The following MIPOL1 variants were observed in gnomAD, a reference collection of about 807,000 sequenced individuals.
The protein encoded by MIPOL1 is mirror-image polydactyly 1, also known as mirror-image polydactyly gene 1 protein.
MIPOL1 carries 57 observed loss-of-function variants against 60.9 expected under a neutral mutation model. That is an observed-to-expected ratio of 0.94 (90% CI 0.76 to 1.17). The LOEUF (loss-of-function observed/expected upper bound fraction) is 1.17, where lower values mean the gene tolerates loss of function less well. MIPOL1 is among the 50% of genes most tolerant of loss of function. MIPOL1 has a pLI of 0.00. For synonymous variants in MIPOL1, 179 were observed against 168.8 expected, an observed-to-expected ratio of 1.06 and a Z score of -0.47; for missense variants, 551 against 511.6, an observed-to-expected ratio of 1.08 and a Z score of -0.74.
At chr14:37,329,177 A>G (rs944095055) in intron 9 of MIPOL1, among the ~76,000 whole-genome samples, 3 of 152,132 alleles carry the variant, frequency 2.0e-5, no homozygotes, top group African/African-American at 7.2e-5. Flanking sequence ...TCACCACTCA[A>G]TAGTTTGAAT....
At chr14:37,409,493 A>G (rs1036988343) in intron 10 of MIPOL1, among the ~76,000 whole-genome samples, 1 of 152,156 alleles carries the variant, frequency 6.6e-6, no homozygotes, top group African/African-American at 2.4e-5. Context: ...ACACAGCCAA[A>G]AAAATAATTT....
rs180953659 is a variant in MIPOL1, at chr14:37,392,759, T to C, written c.936+23135T>C. On this transcript the variant is annotated intron_variant, in intron 10 of 12. Transcript: ENST00000684589. ...ATGTTGAACTCTGTAGAAGGCTTTT[T>C]CAGCATCAGTTGGGCACAAAGGTAA... is the stretch of plus-strand genomic sequence containing the variant. Among the ~76,000 whole-genome samples the C allele has an allele frequency of 2.9e-3, 442 of 152,284 alleles. 1 individual carries two copies. Among genetic ancestry groups the C allele is most frequent in the Non-Finnish European group, 5.1e-3 (349 of 68,022 alleles).
intron 10 of MIPOL1, among the ~76,000 whole-genome samples, chr14:37,387,630 A>G (rs2093110409): frequency 6.6e-6 from 1 of 151,938 alleles, no homozygotes; most frequent in South Asian, 2.1e-4. Flanking sequence ...TAATTTACAT[A>G]TATTCACTTT....
intron 9 of MIPOL1, among the ~76,000 whole-genome samples, chr14:37,360,033 C>T (rs1042650946): frequency 6.6e-6 from 1 of 152,040 alleles, no homozygotes; most frequent in African/African-American, 2.4e-5. Flanking sequence ...GCATGAAGGG[C>T]TGTTGAATTT....
intron 11 of MIPOL1, among the ~76,000 whole-genome samples, chr14:37,443,544 A>G (rs2094284788): frequency 6.6e-6 from 1 of 151,372 alleles, no homozygotes; most frequent in South Asian, 2.1e-4. Flanking sequence ...GAGAAACTTC[A>G]GGCCCAAGTG....
chr14:37,440,978 A>G (rs2094235411), intron 11 of MIPOL1, among the ~76,000 whole-genome samples: 3 of 152,150 alleles, frequency 2.0e-5, no homozygotes, highest in South Asian at 4.1e-4. Flanking sequence ...AGGATGTCTC[A>G]TTGAAATTTT....
At chr14:37,485,411 G>A (rs1313885665) in intron 11 of MIPOL1, among the ~76,000 whole-genome samples, 1 of 152,174 alleles carries the variant, frequency 6.6e-6, no homozygotes, top group East Asian at 1.9e-4. Flanking sequence ...TTGCTACACT[G>A]TCTTCCACAA....
At chr14:37,407,490 A>G (rs2093606798) in intron 10 of MIPOL1, among the ~76,000 whole-genome samples, 1 of 152,184 alleles carries the variant, frequency 6.6e-6, no homozygotes, top group African/African-American at 2.4e-5. Context: ...TTTACCTTTT[A>G]AAGAGTGACA....
rs753960943 is a variant in MIPOL1 at position 37,308,490 on chromosome 14, A to G, written c.799A>G (p.Ile267Val). 6.3e-7 allele frequency: 1 copy of G among 1,592,658 alleles called. No homozygotes were observed. Among genetic ancestry groups the G allele is most frequent in the African/African-American group, 1.3e-5 (1 of 74,132 alleles). Residue 267 changes from isoleucine to valine, a missense_variant, in exon 9 of 13, where the codon ATA (isoleucine) becomes GTA (valine). Coordinates refer to ENST00000684589, the MANE Select transcript of MIPOL1 (RefSeq NM_001388067.1). Reference sequence around the variant, plus strand: ...AACTGCAGAAGAAATGAGTGCACTAATAGAAGAACGGGATGCTGCCTTGTC... The same window carrying G: ...AACTGCAGAAGAAATGAGTGCACTAGTAGAAGAACGGGATGCTGCCTTGTC... ...RITAEEMSAL[I>V]EERDAALSKC...
At chr14:37,535,771 G>A (rs996721964) in intron 12 of MIPOL1, among the ~76,000 whole-genome samples, 1 of 152,150 alleles carries the variant, frequency 6.6e-6, no homozygotes. Flanking sequence ...ATGCATAAAT[G>A]AATGAATGAC....
At chr14:37,266,142 C>G (rs1284318664) in intron 3 of MIPOL1, among the ~76,000 whole-genome samples, 1 of 152,092 alleles carries the variant, frequency 6.6e-6, no homozygotes, top group African/African-American at 2.4e-5. Context: ...TTCTGCATCT[C>G]CTCTAAGATT....
chr14:37,212,381 C>T (rs1352903666), intron 1 of MIPOL1: 2 of 152,128 alleles, frequency 1.3e-5, no homozygotes, highest in Admixed American at 6.6e-5. Context: ...AGAAAGCATT[C>T]ATGACAAGCT....
At chr14:37,506,277 A>G (rs993070039) in intron 12 of MIPOL1, 6 of 152,248 alleles carry the variant, frequency 3.9e-5, no homozygotes, top group Non-Finnish European at 8.8e-5. Context: ...GAACCAAAAA[A>G]GAGCCCATAG....
chr14:37,380,268 C>T (rs2092890175), intron 10 of MIPOL1, among the ~76,000 whole-genome samples: 1 of 151,986 alleles, frequency 6.6e-6, no homozygotes, highest in South Asian at 2.1e-4. Flanking sequence ...CGTTCTGTTC[C>T]CTTGCCAGCC....
Position 37,250,242 on chromosome 14 carries a change from A to G in MIPOL1, c.19+2335A>G, listed in dbSNP as rs186599455. Among the ~76,000 whole-genome samples, 113 of 152,288 alleles carry G rather than the reference A, an allele frequency of 7.4e-4. 1 individual carries two copies. Among genetic ancestry groups the G allele is most frequent in the Admixed American group, 2.2e-3 (33 of 15,290 alleles). On this transcript the variant is annotated intron_variant, in intron 3 of 12. Coordinates refer to ENST00000684589, the MANE Select transcript of MIPOL1 (RefSeq NM_001388067.1). ...AAGACATTCCCTTTTATAAGGATCC[A>G]TTATTAAACATTATTAGGAAAAAGG... is the stretch of plus-strand genomic sequence containing the variant.
intron 10 of MIPOL1, among the ~76,000 whole-genome samples, chr14:37,393,568 G>C (rs2093302569): frequency 6.6e-6 from 1 of 151,746 alleles, no homozygotes; most frequent in South Asian, 2.1e-4. Context: ...CATCAAGCAG[G>C]TTTAAAGAAA....
chr14:37,456,231 AATCT>A (rs563425045), intron 11 of MIPOL1, among the ~76,000 whole-genome samples: 4 of 152,060 alleles, frequency 2.6e-5, no homozygotes, highest in Non-Finnish European at 5.9e-5. Flanking sequence ...TCCATAATTG[AATCT>A]ATCTTTTAAA....
In MIPOL1 at chr14:37,202,310, C is replaced by A. The variant is rs1400117419; in HGVS notation, c.-199+4206C>A. Among the ~76,000 whole-genome samples the A allele has an allele frequency of 1.1e-4, 16 of 152,102 alleles. 2 individuals are homozygous for A. Among genetic ancestry groups the A allele is most frequent in the African/African-American group, 3.9e-4 (16 of 41,492 alleles). On this transcript the variant is annotated intron_variant, in intron 1 of 12. Coordinates refer to ENST00000684589, the MANE Select transcript of MIPOL1 (RefSeq NM_001388067.1). ...TAGATTTAAGAGGGGCCTCACCTTC[C>A]ACTATCAATTCATTGCAGTTAAGTA...
chr14:37,202,465 C>T (rs1965492532), intron 1 of MIPOL1, among the ~76,000 whole-genome samples: 1 of 151,960 alleles, frequency 6.6e-6, no homozygotes, highest in Admixed American at 6.6e-5. Flanking sequence ...CCACACAAAG[C>T]AATTGTGTTC....
Sources: gnomAD v4.1 joint callset for allele counts (sites outside exome capture counted in the v4.1 genomes callset) on GRCh38, gnomAD v4.1.1 for gene constraint, MANE v1.5 for transcripts, NCBI Gene and HGNC (gene_info 2026-07-23, HGNC 2026-07-21) for gene names.